Variants in NOL4 observed in about 807,000 individuals in gnomAD.
NOL4 encodes the protein cancer/testis antigen 125.
In NOL4, 17 loss-of-function variants were observed where a neutral mutation model predicts 75.9. The ratio of observed to expected loss-of-function variants is 0.22; its 90% confidence interval spans 0.15 to 0.34. NOL4 has a LOEUF of 0.34. Among genes scored for constraint, NOL4 ranks in the 10% least tolerant of loss-of-function variants. The pLI is 1.00. For synonymous variants in NOL4, 292 were observed against 289.9 expected (o/e 1.01, Z -0.07); for missense variants, 614 against 793.5 (o/e 0.77, Z 2.72).
intron 4 of NOL4, among the ~76,000 whole-genome samples, chr18:34,099,722 C>T (rs2078956950): frequency 6.6e-6 from 1 of 152,072 alleles, no homozygotes; most frequent in Non-Finnish European, 1.5e-5. Flanking sequence ...GCTCTCGCCC[C>T]ACCTCTCTCA....
intron 5 of NOL4, 67 bp from the exon 6 acceptor site, chr18:34,019,668 C>A: frequency 2.1e-6 from 3 of 1,406,704 alleles, no homozygotes; most frequent in East Asian, 2.4e-5. Flanking sequence ...CTTCAACTAG[C>A]ATTTATTGAG....
At chr18:33,860,709 G>A (rs1417500839) in intron 10 of NOL4, among the ~76,000 whole-genome samples, 1 of 151,912 alleles carries the variant, frequency 6.6e-6, no homozygotes, top group Non-Finnish European at 1.5e-5. Context: ...CCTGTCTTGT[G>A]CCAGTTTTCA....
intron 4 of NOL4, among the ~76,000 whole-genome samples, chr18:34,101,671 C>T (rs1026685242): frequency 7.9e-5 from 12 of 151,996 alleles, no homozygotes; most frequent in African/African-American, 2.7e-4. Flanking sequence ...TATTCAAAGG[C>T]CAATTTCTCA....
chr18:33,942,781 A>C (rs1248878571), intron 9 of NOL4, among the ~76,000 whole-genome samples: 6 of 151,912 alleles, frequency 3.9e-5, no homozygotes, highest in Admixed American at 3.9e-4. Context: ...GATCAGCTAG[A>C]ACCTCTTAAT....
chr18:33,902,393 G>T (rs980942259), intron 9 of NOL4, among the ~76,000 whole-genome samples: 1 of 152,078 alleles, frequency 6.6e-6, no homozygotes, highest in Non-Finnish European at 1.5e-5. Context: ...AGATGATAAT[G>T]CTCTCCTTCA....
chr18:34,108,074 G>T (rs1412741747), intron 2 of NOL4, among the ~76,000 whole-genome samples: 1 of 152,104 alleles, frequency 6.6e-6, no homozygotes, highest in Non-Finnish European at 1.5e-5. Context: ...CTAGCAACAG[G>T]CCCTCCATTA....
At chr18:33,887,058 T>A (rs1234884570) in intron 9 of NOL4, among the ~76,000 whole-genome samples, 1 of 140,272 alleles carries the variant, frequency 7.1e-6, no homozygotes, top group Non-Finnish European at 1.5e-5. Flanking sequence ...CTAATATATA[T>A]CTATATATAA....
rs541137524 is a variant in NOL4 at position 34,071,487 on chromosome 18, C to T, written c.772+21978G>A. Among the ~76,000 whole-genome samples, 20 of 148,842 alleles carry T rather than the reference C, an allele frequency of 1.3e-4. No homozygotes were observed. In the East Asian group the frequency reaches 2.2e-3, roughly 16 times the overall value. On this transcript the variant is annotated intron_variant, in intron 5 of 10. Coordinates refer to ENST00000261592, the MANE Select transcript of NOL4 (RefSeq NM_003787.5). ...CACACACAGATGATCCCTGACTTAA[C>T]GATGGTTCAGTTTATAATGTTTTGA...
At chr18:33,863,106 T>C (rs1222237818) in intron 10 of NOL4, among the ~76,000 whole-genome samples, 1 of 152,082 alleles carries the variant, frequency 6.6e-6, no homozygotes, top group Non-Finnish European at 1.5e-5. Flanking sequence ...AAATGATGAG[T>C]TCATGTCCTT....
intron 2 of NOL4, among the ~76,000 whole-genome samples, chr18:34,128,146 T>G (rs1479071603): frequency 6.6e-6 from 1 of 151,926 alleles, no homozygotes; most frequent in African/African-American, 2.4e-5. Context: ...GGCAAGAGAT[T>G]TGGATTTAAA....
intron 1 of NOL4, among the ~76,000 whole-genome samples, chr18:34,200,624 G>A (rs2035666453): frequency 6.6e-6 from 1 of 151,528 alleles, no homozygotes; most frequent in Non-Finnish European, 1.5e-5. Context: ...AAGTCCCAAT[G>A]AGCCACTCTG....
At chr18:34,155,131 G>A (rs1037461491) in intron 1 of NOL4, among the ~76,000 whole-genome samples, 2 of 151,844 alleles carry the variant, frequency 1.3e-5, no homozygotes, top group African/African-American at 2.4e-5. Flanking sequence ...AAATAAATCT[G>A]CCACAAATAC....
chr18:34,104,619 T>G (rs2079185562), intron 3 of NOL4, among the ~76,000 whole-genome samples: 1 of 151,928 alleles, frequency 6.6e-6, no homozygotes, highest in South Asian at 2.1e-4. Flanking sequence ...AGCTAAATAA[T>G]TTTCAATAAT....
intron 1 of NOL4, among the ~76,000 whole-genome samples, chr18:34,136,217 C>A (rs1257653609): frequency 2.6e-5 from 4 of 152,098 alleles, no homozygotes; most frequent in Non-Finnish European, 5.9e-5. Context: ...CTACAAAAAC[C>A]TCCCACAACT....
chr18:34,070,310 C>G (rs761660210), intron 5 of NOL4, among the ~76,000 whole-genome samples: 1 of 152,224 alleles, frequency 6.6e-6, no homozygotes, highest in Non-Finnish European at 1.5e-5. Flanking sequence ...TGAGCCACCG[C>G]GCCCGGCCCG....
intron 10 of NOL4, among the ~76,000 whole-genome samples, chr18:33,862,564 A>T (rs2063203561): frequency 6.6e-6 from 1 of 152,180 alleles, no homozygotes; most frequent in Non-Finnish European, 1.5e-5. Context: ...GAACTTAAAC[A>T]AATTTACAAG....
At chr18:34,117,362 G>A (rs2079909208) in intron 2 of NOL4, among the ~76,000 whole-genome samples, 1 of 152,138 alleles carries the variant, frequency 6.6e-6, no homozygotes, top group South Asian at 2.1e-4. Context: ...CTAGTTATCA[G>A]TATTGAAAAA....
rs577770043 is a variant in NOL4, at chr18:34,155,116, C to T, written c.265-25096G>A. ...GGATGACAAGAGTAGCTCCATACTTCGAAAAAATAAATCTGCCACAAATAC... is the reference window on the plus strand; with the variant it reads ...GGATGACAAGAGTAGCTCCATACTTTGAAAAAATAAATCTGCCACAAATAC... On this transcript the variant is annotated intron_variant, in intron 1 of 10. Transcript: ENST00000261592. 5.8e-4 allele frequency among the ~76,000 whole-genome samples: 88 copies of T among 150,648 alleles called. No individual in the cohort carries two copies. In the South Asian group the frequency reaches 0.017, roughly 30 times the overall value.
intron 1 of NOL4, among the ~76,000 whole-genome samples, chr18:34,201,525 A>G (rs1425969767): frequency 6.6e-6 from 1 of 151,900 alleles, no homozygotes; most frequent in Non-Finnish European, 1.5e-5. Context: ...TTACACAAAG[A>G]TAGTTATATA....
Sources: allele counts gnomAD v4.1 joint callset (sites outside exome capture counted in the v4.1 genomes callset), GRCh38; gene constraint gnomAD v4.1.1; transcripts MANE v1.5; gene names NCBI Gene and HGNC (gene_info 2026-07-23, HGNC 2026-07-21).